Variants in LPGAT1 observed in about 807,000 individuals in gnomAD.
LPGAT1 encodes the protein lysophosphatidylglycerol acyltransferase 1, also known as acyl-CoA:lysophosphatidylglycerol acyltransferase 1.
Under a neutral mutation model 47.5 loss-of-function variants are expected in LPGAT1, and 11 were observed. The observed-to-expected ratio is 0.23, with a 90% CI of 0.15 to 0.38. LPGAT1 has a LOEUF of 0.38. Ranked by LOEUF, LPGAT1 falls within the 10% of genes least tolerant of loss-of-function variation. LPGAT1 has a pLI of 1.00. For synonymous variants in LPGAT1, 138 were observed against 144.2 expected (o/e 0.96, Z 0.31); for missense variants, 293 against 439.0 (o/e 0.67, Z 2.97).
intron 6 of LPGAT1, 123 bp downstream of exon 6, chr1:211,778,795 G>A (rs537988786): frequency 5.9e-6 from 4 of 682,772 alleles, no homozygotes; most frequent in Non-Finnish European, 9.0e-6. Context: ...TAAAAATGCA[G>A]CATAAGAATG....
At chr1:211,756,729 A>T (rs1657471440) in intron 6 of LPGAT1, among the ~76,000 whole-genome samples, 1 of 152,208 alleles carries the variant, frequency 6.6e-6, no homozygotes, top group African/African-American at 2.4e-5. Flanking sequence ...ACTCCTAAGT[A>T]ATTTAAAGAT....
intron 6 of LPGAT1, among the ~76,000 whole-genome samples, chr1:211,760,650 G>A (rs967235381): frequency 6.6e-6 from 1 of 152,218 alleles, no homozygotes; most frequent in Non-Finnish European, 1.5e-5. Context: ...GTAAATGGGT[G>A]CATACTTAAA....
chr1:211,775,934 A>C (rs1227776041), intron 6 of LPGAT1, among the ~76,000 whole-genome samples: 1 of 150,788 alleles, frequency 6.6e-6, no homozygotes, highest in Non-Finnish European at 1.5e-5. Context: ...GCCATCTCAA[A>C]AAAAAAAAAA....
intron 3 of LPGAT1, among the ~76,000 whole-genome samples, chr1:211,788,303 C>T (rs1292844460): frequency 1.3e-5 from 2 of 152,104 alleles, no homozygotes; most frequent in African/African-American, 4.8e-5. Context: ...GTGCCTCAGT[C>T]CTTAAACAGA....
At chr1:211,761,306 A>G (rs1199675618) in intron 6 of LPGAT1, among the ~76,000 whole-genome samples, 1 of 152,008 alleles carries the variant, frequency 6.6e-6, no homozygotes, top group East Asian at 1.9e-4. Flanking sequence ...CTCATTAAAA[A>G]CCCATGTCAG....
At chr1:211,766,529 C>T (rs1657921272) in intron 6 of LPGAT1, among the ~76,000 whole-genome samples, 1 of 152,178 alleles carries the variant, frequency 6.6e-6, no homozygotes. Flanking sequence ...TCATCTAACA[C>T]AAAGCCTATT....
At chr1:211,776,902 G>A (rs1259942374) in intron 6 of LPGAT1, among the ~76,000 whole-genome samples, 3 of 152,040 alleles carry the variant, frequency 2.0e-5, no homozygotes, top group Non-Finnish European at 4.4e-5. Flanking sequence ...CCCACTTTAA[G>A]CAGTTGATAC....
intron 5 of LPGAT1, among the ~76,000 whole-genome samples, chr1:211,780,977 AC>A (rs1347375833): frequency 1.3e-5 from 2 of 152,234 alleles, no homozygotes; most frequent in Non-Finnish European, 2.9e-5. Flanking sequence ...TAACAAAAAT[AC>A]TAATCCTTTT....
chr1:211,801,786 GAGAAA>G (rs199950680), intron 2 of LPGAT1, among the ~76,000 whole-genome samples: 4,053 of 150,472 alleles, frequency 0.027, 75 homozygotes, highest in Non-Finnish European at 0.039. Context: ...AAGAAGAGAA[GAGAAA>G]AGAAAAGAAA....
In LPGAT1 at chr1:211,829,232, A is replaced by G. The variant is rs761730259; in HGVS notation, c.65T>C (p.Phe22Ser). The change falls in exon 2 of 8, where the codon TTT (phenylalanine) becomes TCT (serine). Residue 22 changes from phenylalanine to serine, a missense_variant. Phe to Ser is a radical substitution (Grantham distance 155). Coordinates refer to ENST00000366997, the MANE Select transcript of LPGAT1 (RefSeq NM_014873.3). The stretch of plus-strand genomic sequence containing the variant: ...CAGGTTGTTGACGACCATGAAGGCA[A>G]ACCTCATCAGTGCTTTCACCAAGAG... Reference protein sequence around the residue: ...GWLLVKALMRFAFMVVNNLVA... With the variant: ...GWLLVKALMRSAFMVVNNLVA... The G allele has an allele frequency of 6.2e-7, 1 of 1,614,214 alleles. No individual in the cohort carries two copies. Among genetic ancestry groups the G allele is most frequent in the South Asian group, 1.1e-5 (1 of 91,088 alleles).
At chr1:211,782,687 A>T (rs1571724034) in intron 5 of LPGAT1, among the ~76,000 whole-genome samples, 1 of 152,152 alleles carries the variant, frequency 6.6e-6, no homozygotes, top group African/African-American at 2.4e-5. Flanking sequence ...GTGAGCTATG[A>T]TCATACCACT....
intron 6 of LPGAT1, among the ~76,000 whole-genome samples, chr1:211,760,542 G>C (rs778219789): frequency 1.4e-5 from 2 of 139,282 alleles, no homozygotes; most frequent in Non-Finnish European, 3.3e-5. Context: ...TGAATCATAA[G>C]ATAAGTATCT....
At chr1:211,759,358 T>C (rs1558255547) in intron 6 of LPGAT1, among the ~76,000 whole-genome samples, 2 of 152,188 alleles carry the variant, frequency 1.3e-5, no homozygotes, top group African/African-American at 4.8e-5. Flanking sequence ...CAGCTGGGAA[T>C]ACAGGTGCAC....
At chr1:211,765,991 G>T (rs986217990) in intron 6 of LPGAT1, among the ~76,000 whole-genome samples, 1 of 152,140 alleles carries the variant, frequency 6.6e-6, no homozygotes, top group African/African-American at 2.4e-5. Context: ...GAACAAAAAG[G>T]TAGAGGAAGG....
chr1:211,820,490 G>A (rs949877479), intron 2 of LPGAT1, among the ~76,000 whole-genome samples: 21 of 146,244 alleles, frequency 1.4e-4, no homozygotes, highest in African/African-American at 4.3e-4. Context: ...ACTCAAGGGA[G>A]AAATGTCTAG....
intron 2 of LPGAT1, among the ~76,000 whole-genome samples, chr1:211,795,529 G>T (rs111470740): frequency 0.018 from 2,698 of 152,138 alleles, 87 homozygotes; most frequent in African/African-American, 0.06. Context: ...CACCACGCCC[G>T]GCTAATCTTG....
At chr1:211,812,636 T>G (rs545183363) in intron 2 of LPGAT1, among the ~76,000 whole-genome samples, 1 of 152,286 alleles carries the variant, frequency 6.6e-6, no homozygotes, top group East Asian at 1.9e-4. Context: ...TGATAAAAAA[T>G]GTGATTAAGT....
At chr1:211,815,169 A>G (rs78324855) in intron 2 of LPGAT1, among the ~76,000 whole-genome samples, 3,601 of 152,326 alleles carry the variant, frequency 0.024, 65 homozygotes, top group Non-Finnish European at 0.03. Flanking sequence ...AGTTTCCCTT[A>G]CAAGTTCCAG....
chr1:211,797,956 AACACACACACAT>A (rs769973355), intron 2 of LPGAT1, among the ~76,000 whole-genome samples: 204 of 152,072 alleles, frequency 1.3e-3, no homozygotes, highest in South Asian at 5.2e-3. Context: ...ACATACACAC[AACACACACACAT>A]ACACACACAC....
Sources: allele counts gnomAD v4.1 joint callset (sites outside exome capture counted in the v4.1 genomes callset), GRCh38; gene constraint gnomAD v4.1.1; transcripts MANE v1.5; gene names NCBI Gene and HGNC (gene_info 2026-07-23, HGNC 2026-07-21).